Variants in SERPINE2 observed in about 807,000 individuals in gnomAD.
The protein encoded by SERPINE2 is glia-derived nexin.
SERPINE2 carries 14 observed loss-of-function variants against 36.3 expected under a neutral mutation model. That is an observed-to-expected ratio of 0.39 (90% CI 0.25 to 0.60). SERPINE2 has a LOEUF of 0.60. Among genes scored for constraint, SERPINE2 ranks in the 20% least tolerant of loss-of-function variants. SERPINE2 has a pLI of 0.57. For synonymous variants in SERPINE2, 192 were observed against 191.8 expected (o/e 1.00, Z -0.01); for missense variants, 418 against 499.6 (o/e 0.84, Z 1.56).
chr2:224,023,811 T>A (rs1692091074), intron 1 of SERPINE2, among the ~76,000 whole-genome samples: 1 of 152,234 alleles, frequency 6.6e-6, no homozygotes, highest in Non-Finnish European at 1.5e-5. Context: ...TGGGTAGACA[T>A]TCTTTTCTTT....
At chr2:223,997,671 C>A (rs1210778214) in intron 3 of SERPINE2, among the ~76,000 whole-genome samples, 2 of 152,120 alleles carry the variant, frequency 1.3e-5, no homozygotes, top group African/African-American at 4.8e-5. Flanking sequence ...TAACGGACAA[C>A]AGGGTACCTA....
intron 2 of SERPINE2, among the ~76,000 whole-genome samples, chr2:224,000,403 G>A (rs761518431): frequency 3.3e-5 from 5 of 152,176 alleles, no homozygotes; most frequent in Non-Finnish European, 7.3e-5. Flanking sequence ...GATGAAGCTC[G>A]TGCAGTTAAA....
At chr2:223,981,601 C>G (rs1290050883) in intron 6 of SERPINE2, 1 of 152,182 alleles carries the variant, frequency 6.6e-6, no homozygotes, top group East Asian at 1.9e-4. Flanking sequence ...TACTAGCATG[C>G]AACTGAAGCT....
At chr2:223,975,928 G>A (rs763355745) in intron 8 of SERPINE2, 24 bp from the exon 9 acceptor site, 5 of 1,580,918 alleles carry the variant, frequency 3.2e-6, no homozygotes, top group South Asian at 2.3e-5. Context: ...AGAAAACAAT[G>A]CATGACTCTG....
At chr2:224,003,421 G>C (rs1574831541) in intron 1 of SERPINE2, among the ~76,000 whole-genome samples, 1 of 152,172 alleles carries the variant, frequency 6.6e-6, no homozygotes, top group Non-Finnish European at 1.5e-5. Flanking sequence ...AACCACAAGC[G>C]CTTGATTCTT....
At position 223,975,557 on chromosome 2, in the gene SERPINE2, G is replaced by C. The variant is rs765332097; in HGVS notation, c.*310C>G. On this transcript the variant is annotated 3_prime_UTR_variant, in exon 9 of 9. Coordinates refer to ENST00000409304, the MANE Select transcript of SERPINE2 (RefSeq NM_001136528.2). ...TAGACAAAACAAAACAAAAATTCCT[G>C]AACTGGACAAACAGCAAATACTCAA... 2 of 264,960 alleles carry C rather than the reference G, an allele frequency of 7.5e-6. No individual in the cohort carries two copies. The highest frequency in any genetic ancestry group is 1.4e-5 in the Non-Finnish European group (2 of 142,804). 16.4% of individuals were successfully genotyped at this position (264,960 alleles called of 1,614,324 possible).
In SERPINE2 at chr2:224,007,952, G is replaced by A. The variant is rs139545727; in HGVS notation, c.-22-6030C>T. On this transcript the variant is annotated intron_variant, in intron 1 of 8. Transcript: ENST00000409304. ...CGGCCCATGGGCCAGATCTGGCCACGCTTTTTTCTTTGTTTATGGCTGCAT... is the reference window on the plus strand; with the variant it reads ...CGGCCCATGGGCCAGATCTGGCCACACTTTTTTCTTTGTTTATGGCTGCAT... Among the ~76,000 whole-genome samples the A allele has an allele frequency of 2.2e-3, 336 of 152,310 alleles. 3 individuals carry two copies. The East Asian group carries it at 0.041, about 19-fold the overall frequency.
chr2:224,006,232 C>T (rs1691417832), intron 1 of SERPINE2, among the ~76,000 whole-genome samples: 1 of 152,218 alleles, frequency 6.6e-6, no homozygotes, highest in African/African-American at 2.4e-5. Flanking sequence ...TGCTGAATTG[C>T]AGTGCTATAC....
intron 4 of SERPINE2, among the ~76,000 whole-genome samples, chr2:223,989,209 T>C (rs1362319275): frequency 6.6e-6 from 1 of 152,256 alleles, no homozygotes; most frequent in Non-Finnish European, 1.5e-5. Context: ...TTATGGGGCA[T>C]AAATCAGAAG....
At chr2:224,005,764 T>A (rs1691399015) in intron 1 of SERPINE2, among the ~76,000 whole-genome samples, 1 of 152,132 alleles carries the variant, frequency 6.6e-6, no homozygotes, top group Non-Finnish European at 1.5e-5. Context: ...GAAATAAGAG[T>A]GCTGCCCAAA....
intron 1 of SERPINE2, among the ~76,000 whole-genome samples, chr2:224,005,065 T>TATATATATATATATATATATA (rs1553547020): frequency 1.2e-4 from 4 of 33,560 alleles, no homozygotes; most frequent in South Asian, 8.7e-4. Context: ...TTTATATATA[T>TATATATATATATATATATATA]TATATATATA....
chr2:224,031,710 T>C (rs1468386076), intron 1 of SERPINE2, among the ~76,000 whole-genome samples: 1 of 151,974 alleles, frequency 6.6e-6, no homozygotes, highest in Admixed American at 6.5e-5. Context: ...GAACAGCATG[T>C]GACTGAAACT....
chr2:223,983,554 CT>C, intron 5 of SERPINE2, among the ~76,000 whole-genome samples: 1 of 151,972 alleles, frequency 6.6e-6, no homozygotes, highest in Non-Finnish European at 1.5e-5. Context: ...CGCCCAGCCC[CT>C]TTTGAGATTC....
chr2:223,982,745 C>T lies in SERPINE2; in HGVS notation c.921G>A (p.Pro307=), dbSNP rs199616305. 4.3e-5 allele frequency: 70 copies of T among 1,613,554 alleles called. No individual in the cohort carries two copies. The highest frequency in any genetic ancestry group is 2.4e-4 in the African/African-American group (18 of 75,018). The change falls in exon 6 of 9, where the codon CCG becomes CCA. Residue 307 remains proline, a synonymous_variant. Transcript: ENST00000409304. ...TGTCAGTAATGCCAAGAACTTTCAG[C>T]GGCTCCTTCAAATCTGTTTGTGCTA... ...TAVAQTDLKE[P]LKVLGITDMF...
At chr2:224,010,382 G>A in intron 1 of SERPINE2, 5 of 984,750 alleles carry the variant, frequency 5.1e-6, no homozygotes, top group Non-Finnish European at 6.0e-6. Flanking sequence ...ACATCCAAAT[G>A]GTCCCTTCAA....
chr2:223,998,888 G>A (rs929840750), intron 2 of SERPINE2, among the ~76,000 whole-genome samples: 1 of 152,158 alleles, frequency 6.6e-6, no homozygotes, highest in African/African-American at 2.4e-5. Context: ...GAATATTCAA[G>A]GTGTTCTCAC....
chr2:224,031,831 G>C (rs1365070403), intron 1 of SERPINE2, among the ~76,000 whole-genome samples: 1 of 142,366 alleles, frequency 7.0e-6, no homozygotes, highest in African/African-American at 2.6e-5. Context: ...AGGGAGGTAA[G>C]CCTGGAGCTA....
At chr2:224,004,185 G>C (rs549280991) in intron 1 of SERPINE2, among the ~76,000 whole-genome samples, 1 of 152,090 alleles carries the variant, frequency 6.6e-6, no homozygotes, top group Non-Finnish European at 1.5e-5. Flanking sequence ...TGATCCTCAC[G>C]GTCAGCTCAA....
At chr2:224,001,412 A>AC in intron 2 of SERPINE2, 1 of 487,438 alleles carries the variant, frequency 2.1e-6, no homozygotes, top group East Asian at 3.3e-5. Context: ...CTAGTGGCAG[A>AC]CCCCAAGCTC....
Sources: gnomAD v4.1 joint callset for allele counts (sites outside exome capture counted in the v4.1 genomes callset) on GRCh38, gnomAD v4.1.1 for gene constraint, MANE v1.5 for transcripts, NCBI Gene and HGNC (gene_info 2026-07-23, HGNC 2026-07-21) for gene names.